Variants in SPAG16 observed in about 807,000 individuals in gnomAD.
SPAG16 encodes the protein sperm-associated antigen 16 protein.
Under a neutral mutation model 80.4 loss-of-function variants are expected in SPAG16, and 86 were observed. The observed-to-expected ratio is 1.07, with a 90% CI of 0.90 to 1.28. The LOEUF (loss-of-function observed/expected upper bound fraction) is 1.28, where lower values mean the gene tolerates loss of function less well. Among genes scored for constraint, SPAG16 ranks in the 50% most tolerant of loss-of-function variants. The probability of loss-of-function intolerance (pLI) is 0.00; values close to 1 mark genes in which losing one functional copy is unlikely to be tolerated. For synonymous variants in SPAG16, 294 were observed against 265.9 expected (o/e 1.11, Z -1.03); for missense variants, 870 against 765.3 (o/e 1.14, Z -1.61).
chr2:214,183,314 A>T (rs2057363168), intron 15 of SPAG16, among the ~76,000 whole-genome samples: 1 of 151,984 alleles, frequency 6.6e-6, no homozygotes, highest in African/African-American at 2.4e-5. Flanking sequence ...ACTCAGGGAC[A>T]AAGAGGAGAA....
At chr2:213,521,842 A>G (rs761947210) in intron 10 of SPAG16, among the ~76,000 whole-genome samples, 4 of 152,204 alleles carry the variant, frequency 2.6e-5, no homozygotes, top group Non-Finnish European at 5.9e-5. Context: ...ACAAATGGTA[A>G]AGTTAGCATG....
chr2:214,002,254 A>T (rs944405463), intron 12 of SPAG16, among the ~76,000 whole-genome samples: 1 of 152,148 alleles, frequency 6.6e-6, no homozygotes. Context: ...TTACTATTGC[A>T]TCCTTAAGAA....
At chr2:213,817,260 T>TAC (rs1028484158) in intron 10 of SPAG16, among the ~76,000 whole-genome samples, 1 of 147,336 alleles carries the variant, frequency 6.8e-6, no homozygotes, top group Non-Finnish European at 1.5e-5. Flanking sequence ...ATATATGATA[T>TAC]ATATATATAT....
intron 10 of SPAG16, among the ~76,000 whole-genome samples, chr2:213,821,072 G>A (rs565212342): frequency 6.6e-6 from 1 of 151,750 alleles, no homozygotes; most frequent in Non-Finnish European, 1.5e-5. Flanking sequence ...GACAAATTTT[G>A]TTCTGCCGGC....
intron 10 of SPAG16, among the ~76,000 whole-genome samples, chr2:213,778,194 A>G (rs766560534): frequency 1.3e-5 from 2 of 152,048 alleles, no homozygotes; most frequent in African/African-American, 2.4e-5. Context: ...TCACACGATG[A>G]TTGTCATTTC....
intron 10 of SPAG16, among the ~76,000 whole-genome samples, chr2:213,791,458 G>A (rs2070698492): frequency 6.6e-6 from 1 of 151,922 alleles, no homozygotes; most frequent in South Asian, 2.1e-4. Context: ...TTCAACTCCT[G>A]ACTAGATAAT....
chr2:213,464,644 C>T (rs1392753307), intron 9 of SPAG16, among the ~76,000 whole-genome samples: 1 of 152,206 alleles, frequency 6.6e-6, no homozygotes, highest in Non-Finnish European at 1.5e-5. Flanking sequence ...CCAGTCTTCT[C>T]CCAGGTAGCC....
chr2:213,861,451 C>T (rs936922532), intron 10 of SPAG16, among the ~76,000 whole-genome samples: 8 of 152,200 alleles, frequency 5.3e-5, no homozygotes, highest in South Asian at 2.1e-4. Flanking sequence ...ATAGAATAGA[C>T]TAAGGGAAAA....
intron 15 of SPAG16, 97 bp from the exon 16 acceptor site, chr2:214,410,043 A>C: frequency 7.3e-7 from 1 of 1,371,314 alleles, no homozygotes; most frequent in Non-Finnish European, 1.0e-6. Context: ...CAGAATGATA[A>C]TTGAAAAAAA....
chr2:213,330,377 A>G (rs2064040653), intron 5 of SPAG16, among the ~76,000 whole-genome samples: 1 of 152,226 alleles, frequency 6.6e-6, no homozygotes, highest in Admixed American at 6.5e-5. Flanking sequence ...TACCTCTTGT[A>G]TCAGCGTGAC....
intron 12 of SPAG16, among the ~76,000 whole-genome samples, chr2:213,961,455 G>A (rs777904815): frequency 7.9e-5 from 12 of 151,724 alleles, no homozygotes; most frequent in Non-Finnish European, 1.5e-4. Flanking sequence ...TGATTAGATC[G>A]GCCATCTTTG....
At chr2:214,167,028 T>A (rs886291327) in intron 15 of SPAG16, among the ~76,000 whole-genome samples, 1 of 152,130 alleles carries the variant, frequency 6.6e-6, no homozygotes, top group African/African-American at 2.4e-5. Flanking sequence ...GAAGGGCAGA[T>A]GAAGAAGACT....
intron 10 of SPAG16, among the ~76,000 whole-genome samples, chr2:213,754,078 GTCAAAAACTAAGATAATTAGGCCTGT>G (rs933301781): frequency 9.2e-5 from 14 of 152,048 alleles, no homozygotes; most frequent in African/African-American, 3.4e-4. Context: ...TGGAATCCTG[GTCAAAAACTAAGATAATTAGGCCTGT>G]TCCAACTCTT....
At chr2:213,840,805 G>A (rs554587779) in intron 10 of SPAG16, among the ~76,000 whole-genome samples, 13 of 152,156 alleles carry the variant, frequency 8.5e-5, no homozygotes, top group Non-Finnish European at 1.6e-4. Context: ...AGCAGAACAA[G>A]GAAGTGGAAA....
At chr2:213,538,027 A>G (rs2125907714) in intron 10 of SPAG16, among the ~76,000 whole-genome samples, 1 of 152,268 alleles carries the variant, frequency 6.6e-6, no homozygotes, top group Middle Eastern at 3.4e-3. Context: ...TGTTTGCTCT[A>G]CTTTTATGAG....
intron 12 of SPAG16, among the ~76,000 whole-genome samples, chr2:214,009,083 T>A (rs181077806): frequency 6.6e-6 from 1 of 152,314 alleles, no homozygotes; most frequent in East Asian, 1.9e-4. Flanking sequence ...GTATCATTGT[T>A]CAGCAATCAA....
intron 14 of SPAG16, among the ~76,000 whole-genome samples, chr2:214,143,464 T>A (rs1281033235): frequency 6.6e-6 from 1 of 152,106 alleles, no homozygotes; most frequent in Non-Finnish European, 1.5e-5. Context: ...AGAATCACAG[T>A]TTGACTCATC....
At chr2:213,801,080 A>C (rs913621795) in intron 10 of SPAG16, among the ~76,000 whole-genome samples, 2 of 152,220 alleles carry the variant, frequency 1.3e-5, no homozygotes. Context: ...ATGTATATGG[A>C]TTAAAACAAA....
chr2:214,347,015 G>A (rs1698094252), intron 15 of SPAG16, among the ~76,000 whole-genome samples: 1 of 152,176 alleles, frequency 6.6e-6, no homozygotes, highest in African/African-American at 2.4e-5. Flanking sequence ...TTTGGTACCT[G>A]AAAGTAAGAT....
Sources: gnomAD v4.1 joint callset for allele counts (sites outside exome capture counted in the v4.1 genomes callset) on GRCh38, gnomAD v4.1.1 for gene constraint, MANE v1.5 for transcripts, NCBI Gene and HGNC (gene_info 2026-07-23, HGNC 2026-07-21) for gene names.